Variants in KRT23 observed in about 807,000 individuals in gnomAD.
KRT23 encodes the protein keratin, type I cytoskeletal 23.
KRT23 carries 38 observed loss-of-function variants against 47.6 expected under a neutral mutation model. That is an observed-to-expected ratio of 0.80 (90% CI 0.62 to 1.05). The LOEUF is 1.05. KRT23 is among the 50% of genes least tolerant of loss of function. The pLI is 0.00. For synonymous variants in KRT23, 191 were observed against 199.0 expected (o/e 0.96, Z 0.34); for missense variants, 503 against 529.5 (o/e 0.95, Z 0.49).
At chr17:40,936,139 A>C in intron 2 of KRT23, 69 bp downstream of exon 2, 2 of 1,569,454 alleles carry the variant, frequency 1.3e-6, no homozygotes, top group Non-Finnish European at 1.7e-6. Flanking sequence ...TTCTGGACTC[A>C]TTTTTCCTCC....
intron 3 of KRT23, 51 bp downstream of exon 3, chr17:40,931,322 T>G: frequency 7.0e-7 from 1 of 1,435,146 alleles, no homozygotes; most frequent in East Asian, 2.3e-5. Context: ...GTTTTCCTTT[T>G]GTAAAGCAAA....
chr17:40,923,087 A>C lies in KRT23; in HGVS notation c.1175-4T>G, dbSNP rs1450984460. On this transcript the variant is annotated splice_polypyrimidine_tract_variant and splice_region_variant and intron_variant, in intron 8 of 8. Coordinates refer to ENST00000209718, the MANE Select transcript of KRT23 (RefSeq NM_015515.5). ...TTGATCTTTGGAGTTGCAGACACTG[A>C]GAAAAAGAGCATGGAAGATGTCACT... is the stretch of plus-strand genomic sequence containing the variant. The C allele has an allele frequency of 6.2e-7, 1 of 1,602,046 alleles. No individual in the cohort carries two copies. The highest frequency in any genetic ancestry group is 1.1e-5 in the South Asian group (1 of 90,826).
In KRT23 at chr17:40,923,024, G is replaced by T; in HGVS notation, c.1234C>A (p.Leu412Ile). The T allele has an allele frequency of 6.2e-7, 1 of 1,614,038 alleles. No homozygotes were observed. The highest frequency in any genetic ancestry group is 1.1e-5 in the South Asian group (1 of 91,078). ...TTTTGGATTTCATTCACTTGACAAAGAACTAATCTTCCGTTGATGGTCTCC... is the reference window on the plus strand; with the variant it reads ...TTTTGGATTTCATTCACTTGACAAATAACTAATCTTCCGTTGATGGTCTCC... ...TQETINGRLV[L>I]CQVNEIQKHA The change falls in exon 9 of 9, where the codon CTT becomes ATT. Residue 412 changes from leucine (L) to isoleucine (I), a missense_variant. Leu to Ile is a conservative substitution (Grantham distance 5). Transcript: ENST00000209718.
At position 40,937,646 on chromosome 17, in the gene KRT23, T is replaced by C. The variant is rs1910188804; in HGVS notation, c.-651A>G. On this transcript the variant is annotated 5_prime_UTR_variant, in exon 1 of 9. Transcript: ENST00000209718. ...GGGGCGGGAGCCACGTGCTAGTTAC[T>C]GGCAGTTGGATTTAAAGGGGACTTA... 6.6e-6 allele frequency: 1 copy of C among 152,288 alleles called. No homozygotes were observed. The highest frequency in any genetic ancestry group is 1.5e-5 in the Non-Finnish European group (1 of 68,086). The allele number at this position is 152,288 out of a possible 1,614,324, so 9.4% of individuals were successfully genotyped here. A position where few individuals can be genotyped will look rare whatever the true frequency, so the allele number is the denominator to read the frequency against.
At position 40,922,922 on chromosome 17, in the gene KRT23, G is replaced by A. The variant is rs1909009995; in HGVS notation, c.*67C>T. On this transcript the variant is annotated 3_prime_UTR_variant, in exon 9 of 9. Coordinates refer to ENST00000209718, the MANE Select transcript of KRT23 (RefSeq NM_015515.5). ...GGGTATCTTTTAGAACTCACTCACT[G>A]GTGTCTGTGCAAGGACTTTCCTTGG... is the stretch of plus-strand genomic sequence containing the variant. 6 of 1,081,610 alleles carry A rather than the reference G, an allele frequency of 5.5e-6. No individual in the cohort carries two copies. Among genetic ancestry groups the A allele is most frequent in the Non-Finnish European group, 8.6e-6 (6 of 701,174 alleles). 67.0% of individuals were successfully genotyped at this position (1,081,610 alleles called of 1,614,324 possible).
At chr17:40,935,809 A>G (rs1259889619) in intron 2 of KRT23, among the ~76,000 whole-genome samples, 1 of 152,210 alleles carries the variant, frequency 6.6e-6, no homozygotes, top group Non-Finnish European at 1.5e-5. Flanking sequence ...TGCCTGGTGC[A>G]CTGAGCATGC....
chr17:40,929,944 T>A lies in KRT23; in HGVS notation c.632A>T (p.Glu211Val). The change falls in exon 4 of 9, where the codon GAG (glutamate) becomes GTG (valine). Residue 211 changes from glutamate to valine, a missense_variant. Physicochemically the swap from Glu to Val is moderately radical, Grantham distance 121. Coordinates refer to ENST00000209718, the MANE Select transcript of KRT23 (RefSeq NM_015515.5). ...KELILMKKHHEQEMEKHHVPS... is the reference protein window; with the variant it reads ...KELILMKKHHVQEMEKHHVPS... Reference sequence around the variant, plus strand: ...GGTGTTCCTGGGGAGTTGTACCTGCTCATGGTGCTTCTTCATGAGAATGAG... The same window carrying A: ...GGTGTTCCTGGGGAGTTGTACCTGCACATGGTGCTTCTTCATGAGAATGAG... 6.2e-7 allele frequency: 1 copy of A among 1,614,038 alleles called. No individual in the cohort carries two copies. Among genetic ancestry groups the A allele is most frequent in the Non-Finnish European group, 8.5e-7 (1 of 1,179,998 alleles).
rs1394516998 is a variant in KRT23, at chr17:40,924,464, T to C, written c.1174+8A>G. The C allele has an allele frequency of 1.9e-6, 3 of 1,610,716 alleles. No homozygotes were observed. Among genetic ancestry groups the C allele is most frequent in the Non-Finnish European group, 2.5e-6 (3 of 1,177,154 alleles). On this transcript the variant is annotated splice_region_variant and intron_variant, in intron 8 of 8. Coordinates refer to ENST00000209718, the MANE Select transcript of KRT23 (RefSeq NM_015515.5). ...ACAGAGATTCAAACAATGAAGGAAA[T>C]TTTTTACCTTTCATGCTCGACTTTG...
In KRT23 at chr17:40,931,880, C is replaced by G. The variant is rs958746528; in HGVS notation, c.397-425G>C. On this transcript the variant is annotated intron_variant, in intron 2 of 8. Transcript: ENST00000209718. ...GTTAAAAGGACTTTAGGTTCTGATC[C>G]TTTTCTTATTGTATTAGGTTGGTGA... 3.4e-4 allele frequency among the ~76,000 whole-genome samples: 51 copies of G among 152,140 alleles called. 1 individual carries two copies. The highest frequency in any genetic ancestry group is 1.1e-3 in the African/African-American group (46 of 41,424).
At chr17:40,931,312 G>A in intron 3 of KRT23, 61 bp downstream of exon 3, 1 of 1,345,812 alleles carries the variant, frequency 7.4e-7, no homozygotes, top group Non-Finnish European at 1.1e-6. Context: ...GCCCCGCCGA[G>A]TTTTCCTTTT....
At chr17:40,931,337 C>A (rs763035052) in intron 3 of KRT23, 36 bp downstream of exon 3, 25 of 1,523,268 alleles carry the variant, frequency 1.6e-5, no homozygotes, top group Non-Finnish European at 2.3e-5. Flanking sequence ...AGCAAACAAA[C>A]AAAAACCCGA....
chr17:40,923,088 GA>G lies in KRT23; in HGVS notation c.1175-6del. Reference sequence around the variant, plus strand: ...TGATCTTTGGAGTTGCAGACACTGAGAAAAAGAGCATGGAAGATGTCACTGC... The same window carrying G: ...TGATCTTTGGAGTTGCAGACACTGAGAAAAGAGCATGGAAGATGTCACTGC... On this transcript the variant is annotated splice_polypyrimidine_tract_variant and splice_region_variant and intron_variant, in intron 8 of 8. Coordinates refer to ENST00000209718, the MANE Select transcript of KRT23 (RefSeq NM_015515.5). The G allele has an allele frequency of 6.2e-7, 1 of 1,600,284 alleles. No individual in the cohort carries two copies. The highest frequency in any genetic ancestry group is 8.6e-7 in the Non-Finnish European group (1 of 1,167,584).
At chr17:40,935,572 GGT>G (rs1910003885) in intron 2 of KRT23, among the ~76,000 whole-genome samples, 1 of 151,920 alleles carries the variant, frequency 6.6e-6, no homozygotes, top group East Asian at 1.9e-4. Flanking sequence ...TATTATTATT[GGT>G]TCTAGCAATA....
Position 40,936,531 on chromosome 17 carries a change from G to C in KRT23, c.73C>G (p.Pro25Ala). The C allele has an allele frequency of 6.6e-7, 1 of 1,522,950 alleles. No individual in the cohort carries two copies. Among genetic ancestry groups the C allele is most frequent in the Non-Finnish European group, 8.8e-7 (1 of 1,138,468 alleles). 94.3% of individuals were successfully genotyped at this position (1,522,950 alleles called of 1,614,324 possible). Reference protein sequence around the residue: ...FHGAGGGWGRPRSFPRAPTVH... With the variant: ...FHGAGGGWGRARSFPRAPTVH... ...GTGGGAGCCCTGGGGAAGCTCCTGGGCCGGCCCCAGCCACCTCCGGCGCCA... is the reference window on the plus strand; with the variant it reads ...GTGGGAGCCCTGGGGAAGCTCCTGGCCCGGCCCCAGCCACCTCCGGCGCCA... Residue 25 changes from proline (P) to alanine (A), a missense_variant, in exon 2 of 9, where the codon CCC (proline) becomes GCC (alanine). Transcript: ENST00000209718.
chr17:40,926,141 A>T (rs75840772), intron 6 of KRT23, among the ~76,000 whole-genome samples: 1 of 152,068 alleles, frequency 6.6e-6, no homozygotes, highest in Admixed American at 6.5e-5. Context: ...AAAAAAAAAA[A>T]TGTCATTTTT....
chr17:40,928,569 G>T lies in KRT23; in HGVS notation c.675C>A (p.Val225=), dbSNP rs758635648. 1.9e-6 allele frequency: 3 copies of T among 1,613,492 alleles called. No homozygotes were observed. Among genetic ancestry groups the T allele is most frequent in the African/African-American group, 1.3e-5 (1 of 74,870 alleles). ...TGGGACCTGTATCCACCTTCACATT[G>T]ACATTGAAGTCACTTGGCACATGAT... The part of the protein sequence containing the change: ...EKHHVPSDFN[V]NVKVDTGPRE... Residue 225 remains valine (V), a synonymous_variant, in exon 5 of 9, where the codon GTC becomes GTA. Coordinates refer to ENST00000209718, the MANE Select transcript of KRT23 (RefSeq NM_015515.5).
chr17:40,931,229 C>T (rs1181899271), intron 3 of KRT23, 144 bp downstream of exon 3: 3 of 606,868 alleles, frequency 4.9e-6, no homozygotes, highest in Admixed American at 2.6e-5. Context: ...CCAGGATGGT[C>T]TCGATCTCTT....
At position 40,928,588 on chromosome 17, in the gene KRT23, A is replaced by T. The variant is rs371102975; in HGVS notation, c.656T>A (p.Val219Glu). 2.2e-5 allele frequency: 35 copies of T among 1,612,896 alleles called. No individual in the cohort carries two copies. The highest frequency in any genetic ancestry group is 1.3e-5 in the African/African-American group (1 of 74,890). The change falls in exon 5 of 9, where the codon GTG becomes GAG. Residue 219 changes from valine (V) to glutamate (E), a missense_variant. Val to Glu is a moderately radical substitution (Grantham distance 121, BLOSUM62 -2). Coordinates refer to ENST00000209718, the MANE Select transcript of KRT23 (RefSeq NM_015515.5). ...CACATTGACATTGAAGTCACTTGGC[A>T]CATGATGCTTCTCCATTTCCTATTT... ...HHEQEMEKHH[V>E]PSDFNVNVKV...
rs755906599 is a variant in KRT23, at chr17:40,922,708, G to A, written c.*281C>T. The A allele has an allele frequency of 2.5e-5, 7 of 282,894 alleles. No individual in the cohort carries two copies. The highest frequency in any genetic ancestry group is 2.1e-4 in the Admixed American group (4 of 19,370). The allele number at this position is 282,894 out of a possible 1,614,324, so 17.5% of individuals were successfully genotyped here. A position where few individuals can be genotyped will look rare whatever the true frequency, so the allele number is the denominator to read the frequency against. ...AAAAAAGACACGATGCAGCTAGTGCGGAGTTTTATTGGCTACAAAATAGAT... is the reference window on the plus strand; with the variant it reads ...AAAAAAGACACGATGCAGCTAGTGCAGAGTTTTATTGGCTACAAAATAGAT... On this transcript the variant is annotated 3_prime_UTR_variant, in exon 9 of 9. Transcript: ENST00000209718.
Sources: gnomAD v4.1 joint callset for allele counts (sites outside exome capture counted in the v4.1 genomes callset) on GRCh38, gnomAD v4.1.1 for gene constraint, MANE v1.5 for transcripts, NCBI Gene and HGNC (gene_info 2026-07-23, HGNC 2026-07-21) for gene names.